The following COG7 variants were observed in gnomAD, a reference collection of about 807,000 sequenced individuals.
The protein encoded by COG7 is conserved oligomeric Golgi complex subunit 7.
Under a neutral mutation model 91.5 loss-of-function variants are expected in COG7, and 49 were observed. The observed-to-expected ratio is 0.54, with a 90% confidence interval of 0.43 to 0.68. The LOEUF is 0.68. Ranked by LOEUF, COG7 falls within the 30% of genes least tolerant of loss-of-function variation. The pLI is 0.00. For missense variants in COG7, 895 were observed against 961.3 expected (o/e 0.93, Z 0.91); for synonymous variants, 365 against 388.7 (o/e 0.94, Z 0.72).
intron 1 of COG7, among the ~76,000 whole-genome samples, chr16:23,450,054 C>T (rs1964243136): frequency 6.6e-6 from 1 of 152,016 alleles, no homozygotes; most frequent in Non-Finnish European, 1.5e-5. Flanking sequence ...CCTGCCTCAG[C>T]CTCCTGAGTA....
At chr16:23,449,924 G>T (rs1964241695) in intron 1 of COG7, among the ~76,000 whole-genome samples, 1 of 151,798 alleles carries the variant, frequency 6.6e-6, no homozygotes, top group South Asian at 2.1e-4. Context: ...TCATATATGT[G>T]CTATTATATC....
intron 6 of COG7, among the ~76,000 whole-genome samples, chr16:23,425,782 C>G (rs919385721): frequency 2.0e-5 from 3 of 152,208 alleles, no homozygotes; most frequent in Admixed American, 1.3e-4. Flanking sequence ...AGTAAACTGG[C>G]AAGACTTGGA....
rs143540913 is a variant in COG7 at position 23,451,799 on chromosome 16, C to T, written c.169+1027G>A. Among the ~76,000 whole-genome samples, 16 of 151,372 alleles carry T rather than the reference C, an allele frequency of 1.1e-4. No homozygotes were observed. In the East Asian group the frequency reaches 2.5e-3, roughly 24 times the overall value. ...TCTTCCTCAGCTGAAATAAAATCCA[C>T]TAAAACAATGTTTTCTAGATCTGTG... On this transcript the variant is annotated intron_variant, in intron 1 of 16. Coordinates refer to ENST00000307149, the MANE Select transcript of COG7 (RefSeq NM_153603.4).
At chr16:23,435,708 A>G (rs1964003539) in intron 4 of COG7, among the ~76,000 whole-genome samples, 1 of 152,238 alleles carries the variant, frequency 6.6e-6, no homozygotes, top group Non-Finnish European at 1.5e-5. Flanking sequence ...ACAGGTCTCC[A>G]AACTTCTTAT....
chr16:23,403,131 G>A (rs1296172056), intron 13 of COG7, among the ~76,000 whole-genome samples: 1 of 152,182 alleles, frequency 6.6e-6, no homozygotes, highest in Non-Finnish European at 1.5e-5. Flanking sequence ...AACAGGCAAT[G>A]CCTTGAAAAA....
intron 4 of COG7, 23 bp from the exon 5 acceptor site, chr16:23,434,741 A>G: frequency 6.5e-7 from 1 of 1,536,714 alleles, no homozygotes; most frequent in Non-Finnish European, 9.0e-7. Context: ...CAATGTATAT[A>G]TACTGTTACC....
chr16:23,416,120 T>A (rs1222857304), intron 9 of COG7: 1 of 152,206 alleles, frequency 6.6e-6, no homozygotes, highest in African/African-American at 2.4e-5. Context: ...AAGCTCTGCC[T>A]CTTGGATTCA....
intron 6 of COG7, among the ~76,000 whole-genome samples, chr16:23,429,924 G>C (rs571865589): frequency 6.6e-6 from 1 of 152,154 alleles, no homozygotes; most frequent in Non-Finnish European, 1.5e-5. Flanking sequence ...TTCCATCTAG[G>C]TGAAATTCTA....
rs1252562213 is a variant in COG7 at position 23,441,770 on chromosome 16, A to C, written c.604+707T>G. On this transcript the variant is annotated intron_variant, in intron 4 of 16. Coordinates refer to ENST00000307149, the MANE Select transcript of COG7 (RefSeq NM_153603.4). ...CAGGGAAAAGAAACAAGCTACATAC[A>C]AAAAAAAAATAATAGGAAGAAGCAG... 5.2e-5 allele frequency: 4 copies of C among 76,640 alleles called. No individual in the cohort carries two copies. The East Asian group carries it at 1.7e-3, about 32-fold the overall frequency. The allele number at this position is 76,640 out of a possible 1,614,324, so 4.7% of individuals were successfully genotyped here.
chr16:23,400,007 T>C (rs1445740359), intron 13 of COG7, among the ~76,000 whole-genome samples: 1 of 152,212 alleles, frequency 6.6e-6, no homozygotes, highest in Non-Finnish European at 1.5e-5. Context: ...GTGATTATTT[T>C]TAGAGTCCTT....
rs1195335364 is a variant in COG7, at chr16:23,453,034, T to A, written c.-40A>T. The A allele has an allele frequency of 6.2e-7, 1 of 1,612,190 alleles. No homozygotes were observed. The highest frequency in any genetic ancestry group is 8.5e-7 in the Non-Finnish European group (1 of 1,178,948). On this transcript the variant is annotated 5_prime_UTR_variant, in exon 1 of 17. Coordinates refer to ENST00000307149, the MANE Select transcript of COG7 (RefSeq NM_153603.4). ...AGGCCTGGCGTCCAGAACTTAAGAG[T>A]TGGCTCCGGGCGGCAACGGGGATGC... is the stretch of plus-strand genomic sequence containing the variant.
intron 7 of COG7, among the ~76,000 whole-genome samples, chr16:23,419,830 T>A (rs949016381): frequency 1.3e-5 from 2 of 148,954 alleles, no homozygotes; most frequent in Non-Finnish European, 3.0e-5. Flanking sequence ...TTCCTAGGAC[T>A]TCCTAGAAAC....
intron 6 of COG7, among the ~76,000 whole-genome samples, chr16:23,425,554 A>G (rs986122195): frequency 1.3e-5 from 2 of 152,094 alleles, no homozygotes; most frequent in African/African-American, 4.8e-5. Context: ...TGCCCAGGCT[A>G]GTCTCAAACT....
chr16:23,417,426 C>T (rs970680519), intron 8 of COG7: 1 of 411,302 alleles, frequency 2.4e-6, no homozygotes, highest in African/African-American at 2.0e-5. Flanking sequence ...CTTCCTCTGG[C>T]TCTCGAGCTA....
chr16:23,413,612 C>T (rs1324376898), intron 9 of COG7, 48 bp from the exon 10 acceptor site: 1 of 1,004,982 alleles, frequency 1.0e-6, no homozygotes, highest in African/African-American at 1.6e-5. Context: ...ACTGATTCCC[C>T]AACTCTAAAG....
intron 2 of COG7, among the ~76,000 whole-genome samples, chr16:23,445,568 G>A (rs1165601632): frequency 1.3e-5 from 2 of 152,066 alleles, no homozygotes; most frequent in African/African-American, 2.4e-5. Context: ...CACGAGAATC[G>A]CTTGAACCTG....
chr16:23,415,987 AC>A (rs1246939828), intron 9 of COG7: 3 of 152,106 alleles, frequency 2.0e-5, no homozygotes, highest in African/African-American at 4.8e-5. Context: ...ATACTTTTGT[AC>A]AGTTTGAATG....
chr16:23,423,719 G>A (rs1963798084), intron 7 of COG7, among the ~76,000 whole-genome samples: 1 of 152,208 alleles, frequency 6.6e-6, no homozygotes, highest in African/African-American at 2.4e-5. Flanking sequence ...AATAAACCAA[G>A]TCAGTGACAC....
intron 6 of COG7, among the ~76,000 whole-genome samples, chr16:23,430,221 G>A (rs1218377740): frequency 6.6e-6 from 1 of 152,156 alleles, no homozygotes; most frequent in African/African-American, 2.4e-5. Flanking sequence ...TTGAGCCCAG[G>A]AGTTCAAGAC....
Sources: gnomAD v4.1 joint callset for allele counts (sites outside exome capture counted in the v4.1 genomes callset) on GRCh38, gnomAD v4.1.1 for gene constraint, MANE v1.5 for transcripts, NCBI Gene and HGNC (gene_info 2026-07-23, HGNC 2026-07-21) for gene names.